The following LRP1B variants were observed in gnomAD, a reference collection of about 807,000 sequenced individuals.
LRP1B encodes low-density lipoprotein receptor-related protein 1B.
Under a neutral mutation model 556.6 loss-of-function variants are expected in LRP1B, and 217 were observed. The ratio of observed to expected loss-of-function variants is 0.39; its 90% CI spans 0.35 to 0.44. The LOEUF is 0.44. Among genes scored for constraint, LRP1B ranks in the 20% least tolerant of loss-of-function variants. The pLI, the probability that LRP1B is intolerant of heterozygous loss-of-function variation, is 1.00. For synonymous variants in LRP1B, 2,047 were observed against 1,865.8 expected (o/e 1.10, Z -2.50); for missense variants, 5,053 against 5,620.8 (o/e 0.90, Z 3.23).
intron 7 of LRP1B, among the ~76,000 whole-genome samples, chr2:141,069,520 G>A (rs1208507368): frequency 6.6e-6 from 1 of 151,966 alleles, no homozygotes; most frequent in Non-Finnish European, 1.5e-5. Context: ...AGAAAGGCTG[G>A]TACAACTTGA....
chr2:140,262,442 G>A (rs1226838961), intron 86 of LRP1B, among the ~76,000 whole-genome samples: 2 of 152,248 alleles, frequency 1.3e-5, no homozygotes, highest in South Asian at 2.1e-4. Flanking sequence ...ACTAAGGTTT[G>A]GAGAGGCTAA....
At chr2:141,209,440 C>T (rs915119309) in intron 6 of LRP1B, among the ~76,000 whole-genome samples, 1 of 152,158 alleles carries the variant, frequency 6.6e-6, no homozygotes, top group Non-Finnish European at 1.5e-5. Context: ...AGCTGTGAGT[C>T]AATTAAATCT....
At chr2:140,361,341 CATATATATATAT>C (rs67208978) in intron 72 of LRP1B, among the ~76,000 whole-genome samples, 1,600 of 30,736 alleles carry the variant, frequency 0.052, 107 homozygotes, top group African/African-American at 0.082. Flanking sequence ...ACTTGGAAAG[CATATATATATAT>C]ATATATATAT....
intron 41 of LRP1B, among the ~76,000 whole-genome samples, chr2:140,631,436 GTTGGGT>G (rs1189449472): frequency 6.6e-6 from 1 of 152,174 alleles, no homozygotes; most frequent in African/African-American, 2.4e-5. Context: ...TTCAAGAACA[GTTGGGT>G]AATGTAAGCA....
At chr2:141,951,647 C>T (rs1449799346) in intron 1 of LRP1B, among the ~76,000 whole-genome samples, 2 of 151,982 alleles carry the variant, frequency 1.3e-5, no homozygotes, top group African/African-American at 4.8e-5. Flanking sequence ...GGATAGTTAC[C>T]ATCACAACTT....
intron 35 of LRP1B, among the ~76,000 whole-genome samples, chr2:140,717,227 A>G (rs895681281): frequency 2.6e-5 from 4 of 152,058 alleles, no homozygotes; most frequent in Admixed American, 1.3e-4. Flanking sequence ...AATGAATACT[A>G]CTAGGGAAAA....
At chr2:140,331,732 G>A (rs1027057891) in intron 79 of LRP1B, among the ~76,000 whole-genome samples, 1 of 149,760 alleles carries the variant, frequency 6.7e-6, no homozygotes, top group African/African-American at 2.5e-5. Flanking sequence ...TTTCGCTCTT[G>A]TTGCTTAGGC....
chr2:140,943,604 T>A (rs147582868), intron 20 of LRP1B, among the ~76,000 whole-genome samples: 1 of 151,982 alleles, frequency 6.6e-6, no homozygotes, highest in African/African-American at 2.4e-5. Context: ...TAGAAATCAA[T>A]AGCCAGAGGA....
chr2:141,691,195 A>G (rs555131918), intron 2 of LRP1B, among the ~76,000 whole-genome samples: 1 of 152,068 alleles, frequency 6.6e-6, no homozygotes, highest in East Asian at 1.9e-4. Context: ...AACCTGGTCC[A>G]TTTATATTCC....
At chr2:140,794,491 ACACACACACAC>A (rs1690231885) in intron 32 of LRP1B, among the ~76,000 whole-genome samples, 1 of 50,738 alleles carries the variant, frequency 2.0e-5, no homozygotes, top group Non-Finnish European at 7.2e-5. Context: ...ACACACACAC[ACACACACACAC>A]ACACACACAC....
chr2:141,899,902 AC>A (rs1214654306), intron 1 of LRP1B, among the ~76,000 whole-genome samples: 1 of 151,800 alleles, frequency 6.6e-6, no homozygotes, highest in African/African-American at 2.4e-5. Flanking sequence ...TGAAATCTCT[AC>A]CCCCTGCTTG....
chr2:140,338,690 AAATC>A (rs1437640552), intron 77 of LRP1B, among the ~76,000 whole-genome samples: 1 of 151,732 alleles, frequency 6.6e-6, no homozygotes, highest in African/African-American at 2.4e-5. Context: ...AGAGTTACCA[AAATC>A]AATCAGGTAA....
At chr2:140,893,607 T>C (rs2105206224) in intron 23 of LRP1B, among the ~76,000 whole-genome samples, 1 of 152,282 alleles carries the variant, frequency 6.6e-6, no homozygotes, top group African/African-American at 2.4e-5. Flanking sequence ...ATCTGGTTTC[T>C]TGGGAGTAAT....
Position 140,828,789 on chromosome 2 carries a change from CAAAAAA to C in LRP1B, c.5209+11196_5209+11201del, listed in dbSNP as rs57621380. ...TGGGCGACAGAGCGAGACTCCGTCTCAAAAAAAAAAAAAAAAAAAAAAAAAGACACA... is the reference window on the plus strand; with the variant it reads ...TGGGCGACAGAGCGAGACTCCGTCTCAAAAAAAAAAAAAAAAAAAGACACA... On this transcript the variant is annotated intron_variant, in intron 31 of 90. Transcript: ENST00000389484. 4.7e-3 allele frequency among the ~76,000 whole-genome samples: 37 copies of C among 7,956 alleles called. 2 individuals are homozygous for C. The East Asian group carries it at 0.053, about 11-fold the overall frequency. 5.2% of individuals were successfully genotyped at this position (7,956 alleles called of 152,430 possible).
At chr2:141,816,364 G>A (rs1165074077) in intron 1 of LRP1B, among the ~76,000 whole-genome samples, 1 of 152,152 alleles carries the variant, frequency 6.6e-6, no homozygotes. Flanking sequence ...ATAAAAGCAG[G>A]CAGAAGAAGG....
intron 2 of LRP1B, among the ~76,000 whole-genome samples, chr2:141,679,311 C>T (rs937064762): frequency 2.0e-5 from 3 of 152,090 alleles, no homozygotes; most frequent in Non-Finnish European, 4.4e-5. Context: ...AGCCTGGAAT[C>T]GTAATCCACA....
intron 43 of LRP1B, among the ~76,000 whole-genome samples, chr2:140,570,046 G>C (rs1413781692): frequency 6.6e-6 from 1 of 151,712 alleles, no homozygotes; most frequent in East Asian, 1.9e-4. Flanking sequence ...TTGTTAATAG[G>C]CAAGGCTATA....
At chr2:141,637,221 G>T (rs1689135241) in intron 2 of LRP1B, among the ~76,000 whole-genome samples, 1 of 152,146 alleles carries the variant, frequency 6.6e-6, no homozygotes, top group Non-Finnish European at 1.5e-5. Flanking sequence ...ACAGTAATTA[G>T]AAATTATGTA....
chr2:140,957,718 G>A (rs1317703256), intron 18 of LRP1B, among the ~76,000 whole-genome samples: 1 of 151,426 alleles, frequency 6.6e-6, no homozygotes, highest in Non-Finnish European at 1.5e-5. Context: ...GCCTCCAAAG[G>A]CAGTAAAAGA....
Sources: allele counts gnomAD v4.1 joint callset (sites outside exome capture counted in the v4.1 genomes callset), GRCh38; gene constraint gnomAD v4.1.1; transcripts MANE v1.5; gene names NCBI Gene and HGNC (gene_info 2026-07-23, HGNC 2026-07-21).